The following SLC38A1 variants were observed in gnomAD, a reference collection of about 807,000 sequenced individuals.
The protein encoded by SLC38A1 is sodium-coupled neutral amino acid symporter 1.
A neutral mutation model predicts 60.3 loss-of-function variants in SLC38A1; 18 were observed. The ratio of observed to expected loss-of-function variants is 0.30; its 90% CI spans 0.21 to 0.44. The LOEUF (loss-of-function observed/expected upper bound fraction) is 0.44. SLC38A1 is among the 20% of genes least tolerant of loss of function. SLC38A1 has a pLI of 1.00. For missense variants in SLC38A1, 448 were observed against 587.2 expected, an observed-to-expected ratio of 0.76 and a Z score of 2.45; for synonymous variants, 196 against 212.1, an observed-to-expected ratio of 0.92 and a Z score of 0.66.
intron 16 of SLC38A1, among the ~76,000 whole-genome samples, chr12:46,191,552 T>C (rs1180074361): frequency 6.6e-6 from 1 of 152,240 alleles, no homozygotes; most frequent in African/African-American, 2.4e-5. Context: ...ATATTAATTC[T>C]TCCTATCCAT....
At chr12:46,211,560 A>G (rs543398681) in intron 5 of SLC38A1, among the ~76,000 whole-genome samples, 1 of 152,352 alleles carries the variant, frequency 6.6e-6, no homozygotes, top group South Asian at 2.1e-4. Context: ...GTGTCTTAAC[A>G]CAATCTATGT....
chr12:46,234,582 G>C (rs1941194711), intron 3 of SLC38A1, among the ~76,000 whole-genome samples: 1 of 151,752 alleles, frequency 6.6e-6, no homozygotes, highest in Non-Finnish European at 1.5e-5. Context: ...CGAGTAGCTG[G>C]GACCACAGGC....
intron 1 of SLC38A1, among the ~76,000 whole-genome samples, chr12:46,261,782 T>C (rs566695678): frequency 4.6e-5 from 7 of 152,352 alleles, no homozygotes; most frequent in African/African-American, 1.7e-4. Context: ...TTGGCATGAT[T>C]TCTAAAAGTC....
In SLC38A1 at chr12:46,198,060, C is replaced by T. The variant is rs1939468461; in HGVS notation, c.1123G>A (p.Val375Ile). 2.5e-6 allele frequency: 4 copies of T among 1,612,808 alleles called. No individual in the cohort carries two copies. The South Asian group carries it at 4.4e-5, about 18-fold the overall frequency. The change falls in exon 15 of 17, where the codon GTT (valine) becomes ATT (isoleucine). Residue 375 changes from valine to isoleucine, a missense_variant and splice_region_variant. Physicochemically the swap from Val to Ile is conservative, Grantham distance 29. Transcript: ENST00000398637. ...GCCAGTTCAAATAAAGATGAACGAACCTGCAAGAAAAGAAAACAAAGATTC... is the reference window on the plus strand; with the variant it reads ...GCCAGTTCAAATAAAGATGAACGAATCTGCAAGAAAAGAAAACAAAGATTC... ...ILTVPVLFFT[V>I]RSSLFELAKK...
At chr12:46,197,898 C>T (rs199678692) in intron 15 of SLC38A1, 21 bp downstream of exon 15, 111 of 1,612,108 alleles carry the variant, frequency 6.9e-5, no homozygotes, top group Non-Finnish European at 9.2e-5. Context: ...GAATGACAAG[C>T]ACAAAGTCAT....
chr12:46,192,853 A>C (rs1310091067), intron 16 of SLC38A1, among the ~76,000 whole-genome samples: 2 of 152,076 alleles, frequency 1.3e-5, no homozygotes, highest in African/African-American at 2.4e-5. Flanking sequence ...CTAGTGGTCT[A>C]TCAATTTTGT....
At chr12:46,241,409 C>G (rs946789885) in intron 2 of SLC38A1, among the ~76,000 whole-genome samples, 3 of 152,204 alleles carry the variant, frequency 2.0e-5, no homozygotes, top group Admixed American at 2.0e-4. Flanking sequence ...TCTTTTCATT[C>G]ACACAGTCTC....
intron 13 of SLC38A1, among the ~76,000 whole-genome samples, chr12:46,198,981 GA>G (rs1216463677): frequency 6.6e-6 from 1 of 152,162 alleles, no homozygotes; most frequent in Non-Finnish European, 1.5e-5. Context: ...CATGGAGTGG[GA>G]ATGCTTAATT....
At chr12:46,191,073 C>T (rs368032133) in intron 16 of SLC38A1, among the ~76,000 whole-genome samples, 26 of 152,110 alleles carry the variant, frequency 1.7e-4, no homozygotes, top group Middle Eastern at 3.4e-3. Context: ...TAGGTCTTAC[C>T]TTTAAGTCTT....
At position 46,248,224 on chromosome 12, in the gene SLC38A1, A is replaced by G. The variant is rs187704117; in HGVS notation, c.-208-4910T>C. Among the ~76,000 whole-genome samples the G allele has an allele frequency of 2.6e-3, 395 of 152,358 alleles. 4 individuals are homozygous for G. The highest frequency in any genetic ancestry group is 0.02 in the Admixed American group (300 of 15,306). ...TGTAAATGGGCTAAATGCCCCAATT[A>G]AAAGACACAGACTGGCAAATTGGAT... On this transcript the variant is annotated intron_variant, in intron 1 of 16. Coordinates refer to ENST00000398637, the MANE Select transcript of SLC38A1 (RefSeq NM_030674.4).
chr12:46,252,540 CTAAT>C (rs1303215988), intron 1 of SLC38A1, among the ~76,000 whole-genome samples: 1 of 151,108 alleles, frequency 6.6e-6, no homozygotes, highest in East Asian at 1.9e-4. Flanking sequence ...TAAATAAATG[CTAAT>C]TAATTTATTT....
chr12:46,243,780 A>G (rs951820933), intron 1 of SLC38A1, among the ~76,000 whole-genome samples: 3 of 152,252 alleles, frequency 2.0e-5, no homozygotes, highest in African/African-American at 2.4e-5. Context: ...GTCAACATTT[A>G]TAATAGGTTA....
rs541631756 is a variant in SLC38A1 at position 46,233,718 on chromosome 12, T to C, written c.123-4079A>G. ...AATAATGATACTGACAGAGCTATTT[T>C]AATGAGTAACCGTTAAATAGCACAT... On this transcript the variant is annotated intron_variant, in intron 3 of 16. Coordinates refer to ENST00000398637, the MANE Select transcript of SLC38A1 (RefSeq NM_030674.4). Among the ~76,000 whole-genome samples, 5 of 152,362 alleles carry C rather than the reference T, an allele frequency of 3.3e-5. No individual in the cohort carries two copies. The South Asian group carries it at 1.0e-3, about 32-fold the overall frequency.
chr12:46,196,775 A>G (rs2136949506), intron 16 of SLC38A1, among the ~76,000 whole-genome samples: 1 of 152,228 alleles, frequency 6.6e-6, no homozygotes, highest in African/African-American at 2.4e-5. Flanking sequence ...AGCAAAATGG[A>G]GCTCCAGAAG....
intron 8 of SLC38A1, 22 bp downstream of exon 8, chr12:46,207,133 A>G (rs760194262): frequency 4.7e-6 from 7 of 1,488,534 alleles, no homozygotes; most frequent in African/African-American, 1.4e-5. Flanking sequence ...GTTATATCAT[A>G]AAAAAATGGT....
At chr12:46,217,008 A>G (rs1003826490) in intron 5 of SLC38A1, among the ~76,000 whole-genome samples, 3 of 152,220 alleles carry the variant, frequency 2.0e-5, no homozygotes, top group African/African-American at 7.2e-5. Context: ...TTTATATGAA[A>G]ATGGGTTTTG....
At chr12:46,204,736 T>C in intron 9 of SLC38A1, 146 bp from the exon 10 acceptor site, 2 of 621,724 alleles carry the variant, frequency 3.2e-6, no homozygotes, top group Non-Finnish European at 2.7e-6. Context: ...AGAGATCCAA[T>C]AATAAACATA....
At chr12:46,198,969 T>C (rs1474501336) in intron 13 of SLC38A1, among the ~76,000 whole-genome samples, 6 of 152,180 alleles carry the variant, frequency 3.9e-5, no homozygotes, top group Admixed American at 6.5e-5. Context: ...TGGAAGAAGC[T>C]ACATGGAGTG....
chr12:46,224,326 A>G (rs1288047125), intron 5 of SLC38A1, among the ~76,000 whole-genome samples: 1 of 152,194 alleles, frequency 6.6e-6, no homozygotes, highest in African/African-American at 2.4e-5. Flanking sequence ...CAGAATTCAG[A>G]AAAATGCAAA....
Sources: allele counts gnomAD v4.1 joint callset (sites outside exome capture counted in the v4.1 genomes callset), GRCh38; gene constraint gnomAD v4.1.1; transcripts MANE v1.5; gene names NCBI Gene and HGNC (gene_info 2026-07-23, HGNC 2026-07-21).